CPLANE1: variants seen among roughly 807,000 people sequenced by gnomAD.
CPLANE1 encodes ciliogenesis and planar polarity effector complex subunit 1, also known as ciliogenesis and planar polarity effector 1.
CPLANE1 carries 263 observed loss-of-function variants against 362.5 expected under a neutral mutation model. That is an observed-to-expected ratio of 0.73 (90% confidence interval 0.66 to 0.80). The LOEUF (loss-of-function observed/expected upper bound fraction) is 0.80. Ranked by LOEUF, CPLANE1 falls within the 30% of genes least tolerant of loss-of-function variation. The probability of loss-of-function intolerance (pLI) is 0.00; values close to 1 mark genes in which losing one functional copy is unlikely to be tolerated. For missense variants in CPLANE1, 3,461 were observed against 3,793.4 expected, an observed-to-expected ratio of 0.91 and a Z score of 2.30; for synonymous variants, 1,212 against 1,302.6, an observed-to-expected ratio of 0.93 and a Z score of 1.50.
Position 37,237,682 on chromosome 5 carries a change from T to TA in CPLANE1, c.938+1174dup, listed in dbSNP as rs537316810. 1.6e-4 allele frequency among the ~76,000 whole-genome samples: 24 copies of TA among 151,316 alleles called. No homozygotes were observed. The East Asian group carries it at 3.7e-3, about 24-fold the overall frequency. ...TAACACGGTGAAACCCCATCTCTAC[T>TA]AAAAAAAATACAAAAAAATTATCCG... On this transcript the variant is annotated intron_variant, in intron 8 of 52. Transcript: ENST00000651892.
intron 29 of CPLANE1, 44 bp downstream of exon 29, chr5:37,179,317 C>A: frequency 8.1e-7 from 1 of 1,237,582 alleles, no homozygotes; most frequent in South Asian, 1.3e-5. Flanking sequence ...AAACACTATA[C>A]AAAATGAAAG....
rs1007608346 is a variant in CPLANE1, at chr5:37,196,015, C to T, written c.3673-19G>A. 14 of 1,576,878 alleles carry T rather than the reference C, an allele frequency of 8.9e-6. No individual in the cohort carries two copies. Among genetic ancestry groups the T allele is most frequent in the East Asian group, 2.3e-5 (1 of 43,700 alleles). On this transcript the variant is annotated intron_variant, in intron 20 of 52. Coordinates refer to ENST00000651892, the MANE Select transcript of CPLANE1 (RefSeq NM_001384732.1). ...TTCGAATCTAAAAGTAAAGAATAAC[C>T]GAACATGTTAATTATCAGCTGTATA...
intron 8 of CPLANE1, among the ~76,000 whole-genome samples, chr5:37,236,807 T>C (rs775757740): frequency 6.8e-6 from 1 of 147,224 alleles, no homozygotes; most frequent in African/African-American, 2.5e-5. Flanking sequence ...CCAATAAACA[T>C]ATGAAAAAAT....
intron 46 of CPLANE1, among the ~76,000 whole-genome samples, chr5:37,129,594 A>G (rs1209309256): frequency 6.6e-6 from 1 of 152,172 alleles, no homozygotes; most frequent in Non-Finnish European, 1.5e-5. Context: ...AAGGCATGAC[A>G]AGACAATTCA....
chr5:37,137,689 G>A (rs1456837753), intron 46 of CPLANE1, among the ~76,000 whole-genome samples: 1 of 152,168 alleles, frequency 6.6e-6, no homozygotes, highest in African/African-American at 2.4e-5. Context: ...TCACATAATG[G>A]CGGGAAGGAG....
chr5:37,217,563 C>T (rs1259166915), intron 15 of CPLANE1, among the ~76,000 whole-genome samples: 1 of 151,368 alleles, frequency 6.6e-6, no homozygotes, highest in African/African-American at 2.4e-5. Context: ...GCCGAGACTG[C>T]GCCATTGCAC....
In CPLANE1 at chr5:37,169,213, G is replaced by C. The variant is rs746910113; in HGVS notation, c.6811C>G (p.Leu2271Val). 1 of 1,614,150 alleles carries C rather than the reference G, an allele frequency of 6.2e-7. No individual in the cohort carries two copies. The highest frequency in any genetic ancestry group is 1.1e-5 in the South Asian group (1 of 91,066). ...GTAGTTTGTGCTGCTCTCTGTGGCA[G>C]AGCAGGTTGGAAGGAGTCAGATAAT... The part of the protein sequence containing the change: ...WGLSDSFQPA[L>V]PQRAAQTTPA... The change falls in exon 34 of 53, where the codon CTG becomes GTG. Residue 2271 changes from leucine to valine, a missense_variant. Leu to Val is a conservative substitution (Grantham distance 32). This residue lies in a region of CPLANE1 where 3,380 missense variants were observed against 3,666.1 expected (regional missense o/e 0.92). Transcript: ENST00000651892.
chr5:37,114,860 C>T, intron 51 of CPLANE1, 100 bp downstream of exon 51: 1 of 688,804 alleles, frequency 1.5e-6, no homozygotes, highest in East Asian at 2.7e-5. Context: ...CATTGCACCA[C>T]TGCACTCCAG....
chr5:37,137,540 T>C (rs1431057957), intron 46 of CPLANE1, among the ~76,000 whole-genome samples: 1 of 152,224 alleles, frequency 6.6e-6, no homozygotes, highest in Non-Finnish European at 1.5e-5. Context: ...TAGTCTGTTC[T>C]TACACTGCTA....
At chr5:37,107,984 C>A (rs747226755) in intron 52 of CPLANE1, among the ~76,000 whole-genome samples, 2 of 152,140 alleles carry the variant, frequency 1.3e-5, no homozygotes, top group Non-Finnish European at 2.9e-5. Flanking sequence ...TCTCACACAA[C>A]GAGATGCTGG....
chr5:37,186,953 C>T (rs533762404), intron 23 of CPLANE1, among the ~76,000 whole-genome samples: 2 of 148,898 alleles, frequency 1.3e-5, no homozygotes, highest in Admixed American at 6.8e-5. Flanking sequence ...CCCAGCTGCT[C>T]GGAAGGCTGA....
intron 34 of CPLANE1, 111 bp from the exon 35 acceptor site, chr5:37,167,324 TTAGAACAAATCAAA>T: frequency 1.3e-6 from 1 of 791,072 alleles, no homozygotes; most frequent in Non-Finnish European, 2.0e-6. Context: ...TGTGCAACAG[TTAGAACAAATCAAA>T]TATAACAAAT....
chr5:37,148,407 G>T, intron 42 of CPLANE1, 139 bp from the exon 43 acceptor site: 1 of 507,746 alleles, frequency 2.0e-6, no homozygotes, highest in Non-Finnish European at 3.3e-6. Context: ...TAAGCTAAAT[G>T]GTAGGGATCA....
chr5:37,199,823 T>C (rs1788637633), intron 19 of CPLANE1, among the ~76,000 whole-genome samples: 1 of 152,184 alleles, frequency 6.6e-6, no homozygotes, highest in South Asian at 2.1e-4. Context: ...AAGGATCTAT[T>C]CACAGGCCAA....
chr5:37,187,965 G>A, intron 21 of CPLANE1, 123 bp from the exon 22 acceptor site: 1 of 537,224 alleles, frequency 1.9e-6, no homozygotes, highest in Non-Finnish European at 3.2e-6. Context: ...ATTATAAAAT[G>A]AACACATGCT....
chr5:37,198,970 G>A (rs1002245993), intron 19 of CPLANE1, 104 bp from the exon 20 acceptor site: 6 of 1,070,936 alleles, frequency 5.6e-6, no homozygotes, highest in Non-Finnish European at 8.0e-6. Context: ...AGTGGCTCAC[G>A]CCTGTAATCC....
At position 37,234,908 on chromosome 5, in the gene CPLANE1, A is replaced by G. The variant is rs144205642; in HGVS notation, c.939-3859T>C. On this transcript the variant is annotated intron_variant, in intron 8 of 52. Coordinates refer to ENST00000651892, the MANE Select transcript of CPLANE1 (RefSeq NM_001384732.1). ...TAATAGACGTTGTTCTGTGGTATCA[A>G]CTATAATGTTTAGAACTGGAACAAT... 5.8e-4 allele frequency among the ~76,000 whole-genome samples: 89 copies of G among 152,328 alleles called. 1 individual carries two copies. The East Asian group carries it at 0.015, about 26-fold the overall frequency.
intron 25 of CPLANE1, 66 bp from the exon 26 acceptor site, chr5:37,183,765 T>C: frequency 4.4e-6 from 5 of 1,146,864 alleles, no homozygotes; most frequent in Non-Finnish European, 6.1e-6. Flanking sequence ...GATCTTAGAA[T>C]TGACATGGAA....
chr5:37,135,659 C>T (rs1767480354), intron 46 of CPLANE1, among the ~76,000 whole-genome samples: 1 of 152,040 alleles, frequency 6.6e-6, no homozygotes, highest in Non-Finnish European at 1.5e-5. Flanking sequence ...ATGGTGAAAC[C>T]CTGTCTCTAC....
Sources: allele counts gnomAD v4.1 joint callset (sites outside exome capture counted in the v4.1 genomes callset), GRCh38; gene constraint gnomAD v4.1.1; regional missense constraint gnomAD v4.1.1; transcripts MANE v1.5; gene names NCBI Gene and HGNC (gene_info 2026-07-23, HGNC 2026-07-21).